Variants in PCDH15 observed in about 807,000 individuals in gnomAD.
PCDH15 encodes the protein protocadherin-15.
In PCDH15, 129 loss-of-function variants were observed where a neutral mutation model predicts 178.5. The ratio of observed to expected loss-of-function variants is 0.72; its 90% CI spans 0.63 to 0.84. PCDH15 has a LOEUF of 0.84. Among genes scored for constraint, PCDH15 ranks in the 40% least tolerant of loss-of-function variants. PCDH15 has a pLI of 0.00. For synonymous variants in PCDH15, 800 were observed against 732.0 expected (o/e 1.09, Z -1.50); for missense variants, 2,230 against 2,099.9 (o/e 1.06, Z -1.21).
chr10:55,246,280 G>T (rs1177057201), intron 1 of PCDH15, among the ~76,000 whole-genome samples: 2 of 152,088 alleles, frequency 1.3e-5, no homozygotes, highest in Admixed American at 1.3e-4. Flanking sequence ...TGCTTTCACA[G>T]CACTCTGAAT....
At chr10:54,895,550 CTGT>C (rs1235525796) in intron 3 of PCDH15, among the ~76,000 whole-genome samples, 1 of 152,154 alleles carries the variant, frequency 6.6e-6, no homozygotes, top group Non-Finnish European at 1.5e-5. Context: ...CCCCTTTGCA[CTGT>C]TGTCTCATTT....
chr10:55,499,503 T>C (rs557558560), intron 2 of PCDH15, among the ~76,000 whole-genome samples: 9 of 151,560 alleles, frequency 5.9e-5, no homozygotes, highest in African/African-American at 1.9e-4. Context: ...TTTCTTATTC[T>C]TCATTCTAAA....
At chr10:55,322,618 G>C (rs1843928003), upstream of PCDH15, among the ~76,000 whole-genome samples, 1 of 152,108 alleles carries the variant, frequency 6.6e-6, no homozygotes, top group Non-Finnish European at 1.5e-5. Flanking sequence ...TGTTGAACTG[G>C]AGTAAAGAAC....
chr10:54,030,304 C>A (rs2093255975), intron 18 of PCDH15, among the ~76,000 whole-genome samples: 1 of 151,020 alleles, frequency 6.6e-6, no homozygotes, highest in Admixed American at 6.6e-5. Flanking sequence ...TCCTTCATGA[C>A]ATTATTAGTG....
At chr10:55,484,355 A>G (rs990098519) in intron 2 of PCDH15, among the ~76,000 whole-genome samples, 1 of 151,780 alleles carries the variant, frequency 6.6e-6, no homozygotes, top group Non-Finnish European at 1.5e-5. Flanking sequence ...GATCTCTACT[A>G]TTACAAAATC....
intron 2 of PCDH15, among the ~76,000 whole-genome samples, chr10:55,012,075 C>T (rs113439863): frequency 0.042 from 6,316 of 152,110 alleles, 215 homozygotes; most frequent in South Asian, 0.1. Context: ...TGGGAAACAC[C>T]CCCATTTTCC....
At chr10:55,337,773 A>G (rs1844436021) in intron 2 of PCDH15, among the ~76,000 whole-genome samples, 1 of 152,192 alleles carries the variant, frequency 6.6e-6, no homozygotes, top group Admixed American at 6.5e-5. Flanking sequence ...CATTTATCAC[A>G]TTTTCCATAA....
intron 3 of PCDH15, among the ~76,000 whole-genome samples, chr10:54,813,873 C>T (rs985758931): frequency 6.6e-5 from 10 of 152,218 alleles, no homozygotes; most frequent in Admixed American, 5.9e-4. Flanking sequence ...TTTATCTGGC[C>T]TCATACTTCT....
intron 1 of PCDH15, among the ~76,000 whole-genome samples, chr10:55,272,523 G>A (rs944697193): frequency 1.3e-5 from 2 of 151,456 alleles, no homozygotes; most frequent in African/African-American, 2.4e-5. Flanking sequence ...TCCTGCCTAC[G>A]GACACACACC....
chr10:53,901,212 T>G (rs1273006837), intron 26 of PCDH15, among the ~76,000 whole-genome samples: 1 of 152,018 alleles, frequency 6.6e-6, no homozygotes, highest in Non-Finnish European at 1.5e-5. Flanking sequence ...TGGCCCCTTA[T>G]TTCTCTCTCA....
chr10:53,939,955 G>A (rs1238789611), intron 24 of PCDH15, among the ~76,000 whole-genome samples: 1 of 152,058 alleles, frequency 6.6e-6, no homozygotes, highest in African/African-American at 2.4e-5. Flanking sequence ...AGGACACATA[G>A]TAGCACAGTA....
intron 10 of PCDH15, among the ~76,000 whole-genome samples, chr10:54,208,386 T>G (rs183978334): frequency 6.6e-6 from 1 of 152,148 alleles, no homozygotes; most frequent in Non-Finnish European, 1.5e-5. Flanking sequence ...CAAATTCATA[T>G]GTTGAAATCC....
rs571613534 is a variant in PCDH15, at chr10:54,144,614, G to A, written c.1784+8486C>T. 3.3e-5 allele frequency among the ~76,000 whole-genome samples: 5 copies of A among 152,018 alleles called. No homozygotes were observed. In the South Asian group the frequency reaches 6.2e-4, roughly 19 times the overall value. Reference sequence around the variant, plus strand: ...ATGGACTTGAGACTGATCTCCCATCGCCTCAGCGGCAGCACCCAATTAAAG... The same window carrying A: ...ATGGACTTGAGACTGATCTCCCATCACCTCAGCGGCAGCACCCAATTAAAG... On this transcript the variant is annotated intron_variant, in intron 14 of 37. Coordinates refer to ENST00000644397, the MANE Select transcript of PCDH15 (RefSeq NM_001384140.1).
intron 8 of PCDH15, among the ~76,000 whole-genome samples, chr10:54,291,682 A>G (rs2059418753): frequency 6.6e-6 from 1 of 152,216 alleles, no homozygotes; most frequent in African/African-American, 2.4e-5. Flanking sequence ...ACCAGAGAAT[A>G]GTATAAATAC....
Position 54,154,563 on chromosome 10 carries a change from T to C in PCDH15, c.1591-1270A>G, listed in dbSNP as rs201934026. ...TGAATTCAATTTCAGAAACATCATA[T>C]TAACTAATTTCCCATTCAAAAGTTC... On this transcript the variant is annotated intron_variant, in intron 13 of 37. Coordinates refer to ENST00000644397, the MANE Select transcript of PCDH15 (RefSeq NM_001384140.1). Among the ~76,000 whole-genome samples the C allele has an allele frequency of 2.1e-4, 32 of 152,310 alleles. No homozygotes were observed. In the East Asian group the frequency reaches 6.2e-3, roughly 29 times the overall value.
intron 28 of PCDH15, among the ~76,000 whole-genome samples, chr10:53,841,985 A>G (rs2077681957): frequency 1.3e-5 from 2 of 151,266 alleles, no homozygotes; most frequent in Admixed American, 1.3e-4. Flanking sequence ...GAACCTGAAG[A>G]TAATGGATGT....
intron 1 of PCDH15, among the ~76,000 whole-genome samples, chr10:54,682,332 TTC>T (rs2094915799): frequency 6.6e-6 from 1 of 152,156 alleles, no homozygotes; most frequent in African/African-American, 2.4e-5. Context: ...GCAATGAAAC[TTC>T]TCTTTCTCTT....
intron 32 of PCDH15, among the ~76,000 whole-genome samples, chr10:53,825,329 G>A (rs1028828022): frequency 3.9e-5 from 6 of 151,922 alleles, no homozygotes; most frequent in Admixed American, 2.0e-4. Context: ...TTTAATAGTA[G>A]ATGAAATCAA....
chr10:54,239,430 T>C (rs35572218), intron 8 of PCDH15, among the ~76,000 whole-genome samples: 3 of 142,664 alleles, frequency 2.1e-5, no homozygotes, highest in African/African-American at 5.8e-5. Flanking sequence ...TATATATATA[T>C]ATAGAGTAAG....
Sources: allele counts gnomAD v4.1 joint callset (sites outside exome capture counted in the v4.1 genomes callset), GRCh38; gene constraint gnomAD v4.1.1; transcripts MANE v1.5; gene names NCBI Gene and HGNC (gene_info 2026-07-23, HGNC 2026-07-21).